The following TRMT11 variants were observed in gnomAD, a reference collection of about 807,000 sequenced individuals.
The protein encoded by TRMT11 is tRNA methyltransferase 11, also known as tRNA (guanine(10)-N(2))-methyltransferase TRMT11.
A neutral mutation model predicts 62.8 loss-of-function variants in TRMT11; 53 were observed. That is an observed-to-expected ratio of 0.84 (90% CI 0.68 to 1.06). TRMT11 has a LOEUF of 1.06. TRMT11 is among the 50% of genes least tolerant of loss of function. The probability of loss-of-function intolerance (pLI) is 0.00; values close to 1 mark genes in which losing one functional copy is unlikely to be tolerated. For synonymous variants in TRMT11, 188 were observed against 190.3 expected (o/e 0.99, Z 0.10); for missense variants, 556 against 553.4 (o/e 1.00, Z -0.05).
At chr6:126,173,769 T>C (rs983312939), upstream of TRMT11, among the ~76,000 whole-genome samples, 1 of 152,160 alleles carries the variant, frequency 6.6e-6, no homozygotes, top group Non-Finnish European at 1.5e-5. Flanking sequence ...AAGAATTCTT[T>C]TTGTCTTTTT....
chr6:126,152,130 G>A (rs1778066454), intron 21 of TRMT11, among the ~76,000 whole-genome samples: 1 of 150,464 alleles, frequency 6.6e-6, no homozygotes, highest in African/African-American at 2.5e-5. Context: ...TGGGGATTGG[G>A]TAAGTATGGT....
chr6:126,207,838 A>T (rs577690835), downstream of TRMT11, among the ~76,000 whole-genome samples: 1 of 152,360 alleles, frequency 6.6e-6, no homozygotes, highest in South Asian at 2.1e-4. Context: ...CTGAACATGA[A>T]CATTCTCAAG....
intron 17 of TRMT11, among the ~76,000 whole-genome samples, chr6:126,096,303 G>C (rs1201428334): frequency 6.6e-6 from 1 of 152,060 alleles, no homozygotes; most frequent in African/African-American, 2.4e-5. Flanking sequence ...TGTAGCTTCA[G>C]GCTTCTCTGG....
At chr6:126,155,762 C>T (rs143540457) in intron 21 of TRMT11, among the ~76,000 whole-genome samples, 208 of 152,292 alleles carry the variant, frequency 1.4e-3, no homozygotes, top group African/African-American at 4.8e-3. Flanking sequence ...GCTCTGTCAC[C>T]CAGGCTGGAG....
intron 17 of TRMT11, among the ~76,000 whole-genome samples, chr6:126,107,249 A>G (rs550531405): frequency 7.2e-5 from 11 of 152,306 alleles, no homozygotes; most frequent in Non-Finnish European, 1.5e-4. Context: ...CCTTCCTGAC[A>G]GTTGTTGGTT....
chr6:126,059,723 A>G (rs1483457600), intron 17 of TRMT11, among the ~76,000 whole-genome samples: 1 of 152,186 alleles, frequency 6.6e-6, no homozygotes, highest in African/African-American at 2.4e-5. Flanking sequence ...TTGAACCTAT[A>G]TCTGACTGAT....
intron 17 of TRMT11, among the ~76,000 whole-genome samples, chr6:126,086,756 T>C (rs1317675409): frequency 6.6e-6 from 1 of 152,092 alleles, no homozygotes; most frequent in Non-Finnish European, 1.5e-5. Flanking sequence ...CTCTATTCTC[T>C]AAGTTTCATT....
At chr6:126,035,204 T>C (rs1326954107) in intron 12 of TRMT11, among the ~76,000 whole-genome samples, 2 of 152,128 alleles carry the variant, frequency 1.3e-5, no homozygotes, top group African/African-American at 4.8e-5. Context: ...ATATGTGATA[T>C]GTGTTGGACC....
chr6:126,070,004 G>A (rs1378022444), intron 17 of TRMT11, among the ~76,000 whole-genome samples: 1 of 152,150 alleles, frequency 6.6e-6, no homozygotes, highest in Non-Finnish European at 1.5e-5. Context: ...GTTTGGAGCA[G>A]TTAGAGGGTC....
At chr6:126,157,119 C>T (rs991871875) in intron 21 of TRMT11, among the ~76,000 whole-genome samples, 10 of 152,172 alleles carry the variant, frequency 6.6e-5, no homozygotes, top group African/African-American at 1.9e-4. Context: ...TTCTCCTGTC[C>T]ATAGACTGCT....
chr6:126,051,456 A>G (rs1033313893), intron 16 of TRMT11, among the ~76,000 whole-genome samples: 1 of 151,680 alleles, frequency 6.6e-6, no homozygotes, highest in Non-Finnish European at 1.5e-5. Flanking sequence ...ATACTAACCC[A>G]CTCCCCCTAC....
intron 21 of TRMT11, among the ~76,000 whole-genome samples, chr6:126,142,352 T>C (rs1170599030): frequency 6.6e-6 from 1 of 152,122 alleles, no homozygotes; most frequent in Non-Finnish European, 1.5e-5. Flanking sequence ...ATCAGATATA[T>C]TGTGATCACT....
chr6:126,165,689 A>G (rs916200444), intron 21 of TRMT11, among the ~76,000 whole-genome samples: 3 of 152,258 alleles, frequency 2.0e-5, no homozygotes, highest in African/African-American at 4.8e-5. Flanking sequence ...GGGTAACCCA[A>G]CCTTTCTCTC....
At chr6:126,223,423 AAAAACAAAACAAAAC>A in the TRMT11 span, among the ~76,000 whole-genome samples, 9,173 of 148,918 alleles carry the variant, frequency 0.062, 385 homozygotes, top group Non-Finnish European at 0.088. Context: ...TCCGTCTCGA[AAAAACAAAACAAAAC>A]AAAACAAAAC....
At chr6:126,021,351 T>G (rs1795781726) in intron 12 of TRMT11, 71 bp downstream of exon 12, 1 of 1,539,408 alleles carries the variant, frequency 6.5e-7, no homozygotes, top group South Asian at 1.2e-5. Flanking sequence ...ATAGTTTTCC[T>G]GTGATAGAGT....
At chr6:126,186,810 T>C (rs1778533013) in intron 1 of TRMT11, among the ~76,000 whole-genome samples, 1 of 152,090 alleles carries the variant, frequency 6.6e-6, no homozygotes, top group African/African-American at 2.4e-5. Flanking sequence ...CCTTTAGTTT[T>C]CTGATCACGA....
chr6:126,058,178 T>G (rs1562309885), intron 17 of TRMT11, among the ~76,000 whole-genome samples: 1 of 152,126 alleles, frequency 6.6e-6, no homozygotes, highest in Non-Finnish European at 1.5e-5. Context: ...ATTGTTCAAC[T>G]CCCACTTATG....
At chr6:126,185,095 A>C (rs1034023480) in intron 1 of TRMT11, among the ~76,000 whole-genome samples, 4 of 151,914 alleles carry the variant, frequency 2.6e-5, no homozygotes, top group African/African-American at 9.7e-5. Flanking sequence ...GTAGATCTTG[A>C]AGGTCAAGAG....
chr6:126,066,196 G>C (rs1436380376), intron 17 of TRMT11, among the ~76,000 whole-genome samples: 2 of 152,206 alleles, frequency 1.3e-5, no homozygotes, highest in Non-Finnish European at 2.9e-5. Context: ...CCAGGCCAGG[G>C]TGTGGCTGGA....
Sources: allele counts gnomAD v4.1 joint callset (sites outside exome capture counted in the v4.1 genomes callset), GRCh38; gene constraint gnomAD v4.1.1; transcripts MANE v1.5; gene names NCBI Gene and HGNC (gene_info 2026-07-23, HGNC 2026-07-21).